SEC14L5: variants seen among roughly 807,000 people sequenced by gnomAD.
SEC14L5 encodes SEC14 like lipid binding 5, also known as SEC14-like protein 5.
In SEC14L5, 96 loss-of-function variants were observed where a neutral mutation model predicts 84.6. The observed-to-expected ratio is 1.13, with a 90% CI of 0.96 to 1.34. The LOEUF (loss-of-function observed/expected upper bound fraction) is 1.34, where lower values mean the gene tolerates loss of function less well. SEC14L5 is among the 40% of genes most tolerant of loss of function. The probability of loss-of-function intolerance (pLI) is 0.00; values close to 1 mark genes in which losing one functional copy is unlikely to be tolerated. For missense variants in SEC14L5, 1,224 were observed against 942.5 expected (o/e 1.30, Z -3.91); for synonymous variants, 546 against 383.4 (o/e 1.42, Z -4.95).
At chr16:4,994,996 T>G (rs1955594458) in intron 6 of SEC14L5, among the ~76,000 whole-genome samples, 1 of 152,124 alleles carries the variant, frequency 6.6e-6, no homozygotes, top group African/African-American at 2.4e-5. Flanking sequence ...CCTCCCTGAT[T>G]CCAGCATCTC....
At chr16:4,996,241 C>G (rs1596633936) in intron 6 of SEC14L5, 107 bp from the exon 7 acceptor site, 1 of 684,974 alleles carries the variant, frequency 1.5e-6, no homozygotes, top group African/African-American at 1.8e-5. Flanking sequence ...GGTTTGGAAC[C>G]ACGTTTTAGA....
rs1596644548 is a variant in SEC14L5 at position 5,008,432 on chromosome 16, G to A, written c.1584G>A (p.Glu528=). The A allele has an allele frequency of 3.1e-6, 5 of 1,612,456 alleles. No homozygotes were observed. Among genetic ancestry groups the A allele is most frequent in the African/African-American group, 1.3e-5 (1 of 74,912 alleles). ...LRGAPHEVAV[E]ILEGESVITW... ...CTGTCTCCACACAGGTGGCCGTGGA[G>A]ATCCTGGAAGGAGAGTCGGTCATCA... Residue 528 remains glutamate (E), a synonymous_variant, in exon 14 of 16, where the codon GAG becomes GAA. Transcript: ENST00000251170.
In SEC14L5 at chr16:4,990,081, C is replaced by A. The variant is rs57324410; in HGVS notation, c.346-686C>A. ...TATAATATACAACTATTTAAAAAAT[C>A]TATATCTAAATTTTATGTGTAATAT... is the stretch of plus-strand genomic sequence containing the variant. On this transcript the variant is annotated intron_variant, in intron 4 of 15. Coordinates refer to ENST00000251170, the MANE Select transcript of SEC14L5 (RefSeq NM_014692.2). 7.9e-3 allele frequency among the ~76,000 whole-genome samples: 1,195 copies of A among 151,126 alleles called. 16 individuals are homozygous for A. Among genetic ancestry groups the A allele is most frequent in the African/African-American group, 0.028 (1,137 of 41,268 alleles).
intron 15 of SEC14L5, among the ~76,000 whole-genome samples, chr16:5,012,699 G>A (rs1046920079): frequency 6.6e-6 from 1 of 152,210 alleles, no homozygotes; most frequent in Non-Finnish European, 1.5e-5. Context: ...GTGGTCAAGA[G>A]TTTGAGACCA....
At chr16:4,999,057 A>G (rs1368716769) in intron 8 of SEC14L5, among the ~76,000 whole-genome samples, 1 of 152,142 alleles carries the variant, frequency 6.6e-6, no homozygotes, top group Non-Finnish European at 1.5e-5. Flanking sequence ...ACCCTAAACG[A>G]GTGTCCTTTT....
intron 3 of SEC14L5, 116 bp from the exon 4 acceptor site, chr16:4,988,033 A>G: frequency 8.8e-7 from 1 of 1,136,896 alleles, no homozygotes; most frequent in Non-Finnish European, 1.3e-6. Context: ...CGGTGGCGCA[A>G]GGGACCTGGG....
chr16:5,008,685 C>G (rs1415277012), intron 14 of SEC14L5, 37 bp downstream of exon 14: 2 of 1,554,404 alleles, frequency 1.3e-6, no homozygotes, highest in African/African-American at 1.4e-5. Flanking sequence ...GCTCACCAAG[C>G]AGCACTGAGT....
chr16:5,006,071 C>T (rs764293976), intron 12 of SEC14L5, 23 bp downstream of exon 12: 72 of 1,610,940 alleles, frequency 4.5e-5, no homozygotes, highest in Admixed American at 1.0e-4. Context: ...TGTCCACAGA[C>T]AGACCTGGGC....
chr16:4,967,948 T>TC (rs1166533701), intron 2 of SEC14L5, among the ~76,000 whole-genome samples: 535 of 42,094 alleles, frequency 0.013, 5 homozygotes, highest in Non-Finnish European at 0.019. Context: ...ACCTCTCCCC[T>TC]CCCCCCCTCC....
At chr16:5,003,378 G>A (rs781776873) in intron 10 of SEC14L5, 24 bp from the exon 11 acceptor site, 8 of 1,603,212 alleles carry the variant, frequency 5.0e-6, no homozygotes, top group Admixed American at 1.7e-5. Context: ...GAGCCAGGTG[G>A]AGCTGGGGCT....
chr16:4,978,873 T>C (rs1955383773), intron 2 of SEC14L5, among the ~76,000 whole-genome samples: 1 of 152,160 alleles, frequency 6.6e-6, no homozygotes, highest in Non-Finnish European at 1.5e-5. Context: ...AGTGCTGGGA[T>C]TACAGGCGTG....
chr16:4,999,924 C>A (rs1955656523), intron 8 of SEC14L5, among the ~76,000 whole-genome samples: 1 of 151,848 alleles, frequency 6.6e-6, no homozygotes, highest in African/African-American at 2.4e-5. Context: ...CAAAAACCAA[C>A]AAATCAACCA....
intron 6 of SEC14L5, among the ~76,000 whole-genome samples, chr16:4,994,379 T>G (rs1955584847): frequency 6.6e-6 from 1 of 152,132 alleles, no homozygotes; most frequent in South Asian, 2.1e-4. Context: ...TTTTTTTATC[T>G]GTCACCCAGG....
chr16:4,960,154 T>C (rs1955102694), intron 2 of SEC14L5, among the ~76,000 whole-genome samples: 1 of 152,184 alleles, frequency 6.6e-6, no homozygotes, highest in African/African-American at 2.4e-5. Context: ...TAGGTGGATG[T>C]GGAATTCCTT....
At chr16:4,970,269 G>A (rs1445590561) in intron 2 of SEC14L5, among the ~76,000 whole-genome samples, 1 of 152,172 alleles carries the variant, frequency 6.6e-6, no homozygotes, top group Non-Finnish European at 1.5e-5. Flanking sequence ...GGCCATAGGA[G>A]GGTCATTTGA....
At chr16:4,963,112 C>T (rs1246904295) in intron 2 of SEC14L5, among the ~76,000 whole-genome samples, 1 of 152,180 alleles carries the variant, frequency 6.6e-6, no homozygotes, top group African/African-American at 2.4e-5. Flanking sequence ...ATGCTCCTAG[C>T]TTCTTCAAAA....
intron 12 of SEC14L5, 120 bp from the exon 13 acceptor site, chr16:5,007,232 C>A: frequency 2.5e-6 from 2 of 785,000 alleles, no homozygotes; most frequent in Non-Finnish European, 4.1e-6. Flanking sequence ...AGCCCACAGC[C>A]CATTCAGTAA....
rs758352257 is a variant in SEC14L5, at chr16:5,006,034, G to T, written c.1423G>T (p.Gly475Trp). The T allele has an allele frequency of 4.5e-5, 73 of 1,613,610 alleles. No homozygotes were observed. The highest frequency in any genetic ancestry group is 5.9e-5 in the Non-Finnish European group (70 of 1,179,740). Residue 475 changes from glycine (G) to tryptophan (W), a missense_variant, in exon 12 of 16, where the codon GGG becomes TGG. Physicochemically the swap from Gly to Trp is radical, Grantham distance 184 (BLOSUM62 -2). Coordinates refer to ENST00000251170, the MANE Select transcript of SEC14L5 (RefSeq NM_014692.2). ...TAGAGAAGTGATCCCTGACTTCCTTGGGGGAGAGAGTGTGGTGAGGCTTCC... is the reference window on the plus strand; with the variant it reads ...TAGAGAAGTGATCCCTGACTTCCTTTGGGGAGAGAGTGTGGTGAGGCTTCC... ...LDREVIPDFL[G>W]GESVCNVPEG... is the part of the protein sequence containing the mutation.
intron 2 of SEC14L5, among the ~76,000 whole-genome samples, chr16:4,986,469 A>G (rs150540336): frequency 6.6e-6 from 1 of 152,262 alleles, no homozygotes; most frequent in African/African-American, 2.4e-5. Context: ...GTAAATCAGG[A>G]AATATGAGTT....
Sources: gnomAD v4.1 joint callset for allele counts (sites outside exome capture counted in the v4.1 genomes callset) on GRCh38, gnomAD v4.1.1 for gene constraint, MANE v1.5 for transcripts, NCBI Gene and HGNC (gene_info 2026-07-23, HGNC 2026-07-21) for gene names.